Variants in CCDC172 observed in about 807,000 individuals in gnomAD.
CCDC172 encodes coiled-coil domain-containing protein 172.
Under a neutral mutation model 38.0 loss-of-function variants are expected in CCDC172, and 30 were observed. The observed-to-expected ratio is 0.79, with a 90% CI of 0.59 to 1.07. The LOEUF (loss-of-function observed/expected upper bound fraction) is 1.07, where lower values mean the gene tolerates loss of function less well. CCDC172 is among the 50% of genes least tolerant of loss of function. The probability of loss-of-function intolerance (pLI) is 0.00; values close to 1 mark genes in which losing one functional copy is unlikely to be tolerated. For synonymous variants in CCDC172, 78 were observed against 88.3 expected (o/e 0.88, Z 0.66); for missense variants, 297 against 290.1 (o/e 1.02, Z -0.17).
At position 116,342,194 on chromosome 10, in the gene CCDC172, GA is replaced by G; in HGVS notation, c.445del (p.Ser149ValfsTer3). 1 of 1,526,394 alleles carries G rather than the reference GA, an allele frequency of 6.6e-7. No homozygotes were observed. Among genetic ancestry groups the G allele is most frequent in the Non-Finnish European group, 8.7e-7 (1 of 1,148,076 alleles). 94.6% of individuals were successfully genotyped at this position (1,526,394 alleles called of 1,614,324 possible). A position where few individuals can be genotyped will look rare whatever the true frequency, so the allele number is the denominator to read the frequency against. On this transcript the variant is annotated frameshift_variant, in exon 5 of 9. Coordinates refer to ENST00000333254, the MANE Select transcript of CCDC172 (RefSeq NM_198515.3). LOFTEE classifies it high-confidence loss of function. Reference protein sequence around the residue: ...SDLENQANMLKSEMKSMEHDS... With the variant: ...SDLENQANMLXSEMKSMEHDS... ...ACTTAGAAAACCAAGCAAACATGTT[GA>G]AAAGTGGTATGAATAAATATCACCT...
At chr10:116,362,595 C>G (rs889723407) in intron 7 of CCDC172, among the ~76,000 whole-genome samples, 20 of 152,146 alleles carry the variant, frequency 1.3e-4, no homozygotes, top group Admixed American at 1.0e-3. Context: ...TATCTTTGCT[C>G]TTTGTTTTCA....
intron 5 of CCDC172, among the ~76,000 whole-genome samples, chr10:116,353,955 A>G (rs1810372779): frequency 6.6e-6 from 1 of 152,138 alleles, no homozygotes; most frequent in Non-Finnish European, 1.5e-5. Flanking sequence ...AAAGCATTAA[A>G]CCTAGAGTTA....
chr10:116,364,545 G>A (rs1247014638), intron 7 of CCDC172, among the ~76,000 whole-genome samples: 1 of 151,896 alleles, frequency 6.6e-6, no homozygotes, highest in Non-Finnish European at 1.5e-5. Flanking sequence ...AAACTGAAAT[G>A]CCCTGTTATA....
chr10:116,379,690 A>T lies in CCDC172; in HGVS notation c.*332A>T, dbSNP rs560941951. ...TTCTAATCTATATAATATGGTTTGGATCTGTGTCCATGCCCAAATCTCATG... is the reference window on the plus strand; with the variant it reads ...TTCTAATCTATATAATATGGTTTGGTTCTGTGTCCATGCCCAAATCTCATG... On this transcript the variant is annotated 3_prime_UTR_variant, in exon 9 of 9. Transcript: ENST00000333254. 114 of 175,420 alleles carry T rather than the reference A, an allele frequency of 6.5e-4. No homozygotes were observed. Among genetic ancestry groups the T allele is most frequent in the African/African-American group, 1.6e-3 (68 of 42,396 alleles). 10.9% of individuals were successfully genotyped at this position (175,420 alleles called of 1,614,324 possible).
intron 7 of CCDC172, among the ~76,000 whole-genome samples, chr10:116,371,589 T>C (rs987827902): frequency 1.3e-5 from 2 of 152,070 alleles, no homozygotes; most frequent in Non-Finnish European, 2.9e-5. Flanking sequence ...ATCTTCATAA[T>C]TTAGATCAAT....
At position 116,325,338 on chromosome 10, in the gene CCDC172, A is replaced by C. The variant is rs549988694; in HGVS notation, c.115A>C (p.Lys39Gln). Residue 39 changes from lysine to glutamine, a missense_variant, in exon 3 of 9, where the codon AAG becomes CAG. Transcript: ENST00000333254. The part of the protein sequence containing the change: ...SEITRCREKI[K>Q]KATEELNEEK... ...AATAACCAGATGTCGTGAAAAAATT[A>C]AGAAAGCAACGGAGGAGCTGAATGA... 1 of 1,614,052 alleles carries C rather than the reference A, an allele frequency of 6.2e-7. No individual in the cohort carries two copies. The highest frequency in any genetic ancestry group is 2.2e-5 in the East Asian group (1 of 44,876).
chr10:116,357,580 T>C lies in CCDC172; in HGVS notation c.550+99T>C, dbSNP rs181370461. The C allele has an allele frequency of 4.0e-3, 4,070 of 1,011,108 alleles. 8 individuals are homozygous for C. The highest frequency in any genetic ancestry group is 4.8e-3 in the Non-Finnish European group (3,523 of 726,934). The allele number at this position is 1,011,108 out of a possible 1,614,324, so 62.6% of individuals were successfully genotyped here. ...TTTAAAATATATTAACCTGTTGTGA[T>C]ATAGTGCTATTATTGGTATAAAAAA... On this transcript the variant is annotated intron_variant, in intron 6 of 8. Coordinates refer to ENST00000333254, the MANE Select transcript of CCDC172 (RefSeq NM_198515.3).
intron 3 of CCDC172, among the ~76,000 whole-genome samples, chr10:116,338,200 G>C (rs2568920): frequency 0.25 from 38,474 of 151,918 alleles, 5,139 homozygotes; most frequent in East Asian, 0.39. Context: ...TGTCCTTCCT[G>C]ACTTTAACTT....
chr10:116,358,082 C>A, intron 7 of CCDC172, 144 bp downstream of exon 7: 1 of 566,324 alleles, frequency 1.8e-6, no homozygotes, highest in Non-Finnish European at 3.1e-6. Flanking sequence ...CTGACACGTG[C>A]TAATAAGGAA....
intron 5 of CCDC172, among the ~76,000 whole-genome samples, chr10:116,355,910 C>T (rs1211299598): frequency 6.6e-6 from 1 of 151,992 alleles, no homozygotes; most frequent in African/African-American, 2.4e-5. Flanking sequence ...TAATTGGATG[C>T]ACATATCTGT....
At chr10:116,324,845 C>T (rs1173338286) in intron 1 of CCDC172, 102 bp from the exon 2 acceptor site, 5 of 622,908 alleles carry the variant, frequency 8.0e-6, no homozygotes, top group Non-Finnish European at 1.4e-5. Context: ...CACCGTCTGG[C>T]GTCGGGCTCC....
chr10:116,367,249 G>A (rs1229576051), intron 7 of CCDC172, among the ~76,000 whole-genome samples: 1 of 152,090 alleles, frequency 6.6e-6, no homozygotes, highest in Admixed American at 6.6e-5. Flanking sequence ...CACAAGAGAG[G>A]ATTTTGAATG....
intron 3 of CCDC172, among the ~76,000 whole-genome samples, chr10:116,325,744 T>C (rs1350292122): frequency 1.3e-5 from 2 of 152,244 alleles, no homozygotes; most frequent in Non-Finnish European, 2.9e-5. Flanking sequence ...ATTTGTGTGC[T>C]ATGTTGATAT....
chr10:116,370,951 T>C (rs192524501), intron 7 of CCDC172, among the ~76,000 whole-genome samples: 129 of 151,988 alleles, frequency 8.5e-4, no homozygotes, highest in African/African-American at 3.0e-3. Context: ...TATTCATTGA[T>C]ATTTTTGAGT....
intron 7 of CCDC172, among the ~76,000 whole-genome samples, 162 bp from the exon 8 acceptor site, chr10:116,378,261 T>A (rs1037809805): frequency 6.6e-6 from 1 of 152,166 alleles, no homozygotes; most frequent in African/African-American, 2.4e-5. Context: ...TACCGCAAAA[T>A]TTTATATAGT....
At chr10:116,363,902 G>T (rs1386515783) in intron 7 of CCDC172, among the ~76,000 whole-genome samples, 1 of 150,316 alleles carries the variant, frequency 6.7e-6, no homozygotes, top group Non-Finnish European at 1.5e-5. Context: ...TTGCACTTCA[G>T]CCTGGGCAAC....
chr10:116,375,516 G>T (rs1028337973), intron 7 of CCDC172, among the ~76,000 whole-genome samples: 1 of 128,194 alleles, frequency 7.8e-6, no homozygotes, highest in Non-Finnish European at 1.5e-5. Flanking sequence ...TCATTGTTCA[G>T]TTCCCACTTA....
At chr10:116,345,936 A>T (rs1329598444) in intron 5 of CCDC172, among the ~76,000 whole-genome samples, 1 of 152,122 alleles carries the variant, frequency 6.6e-6, no homozygotes, top group Non-Finnish European at 1.5e-5. Context: ...CAGCCCAGCC[A>T]CTCCACAATG....
chr10:116,365,222 C>A (rs183324957), intron 7 of CCDC172, among the ~76,000 whole-genome samples: 16 of 152,266 alleles, frequency 1.1e-4, no homozygotes, highest in African/African-American at 3.9e-4. Flanking sequence ...TCTTTAAGTG[C>A]AGATCTAAAT....
Sources: gnomAD v4.1 joint callset for allele counts (sites outside exome capture counted in the v4.1 genomes callset) on GRCh38, gnomAD v4.1.1 for gene constraint, MANE v1.5 for transcripts, NCBI Gene and HGNC (gene_info 2026-07-23, HGNC 2026-07-21) for gene names.